TXNRD2: variants seen among roughly 807,000 people sequenced by gnomAD.
TXNRD2 encodes thioredoxin reductase 2, mitochondrial.
Under a neutral mutation model 70.8 loss-of-function variants are expected in TXNRD2, and 67 were observed. That is an observed-to-expected ratio of 0.95 (90% CI 0.78 to 1.16). The LOEUF (loss-of-function observed/expected upper bound fraction) is 1.16. Among genes scored for constraint, TXNRD2 ranks in the 50% most tolerant of loss-of-function variants. The pLI is 0.00. For missense variants in TXNRD2, 644 were observed against 719.9 expected (o/e 0.89, Z 1.21); for synonymous variants, 301 against 295.8 (o/e 1.02, Z -0.18).
At chr22:19,912,228 A>T (rs950507558) in intron 7 of TXNRD2, among the ~76,000 whole-genome samples, 1 of 152,188 alleles carries the variant, frequency 6.6e-6, no homozygotes, top group African/African-American at 2.4e-5. Flanking sequence ...GATCTCAAAC[A>T]GTTTATGCTT....
chr22:19,918,079 C>T, intron 5 of TXNRD2, 64 bp downstream of exon 5: 1 of 1,378,344 alleles, frequency 7.3e-7, no homozygotes, highest in Non-Finnish European at 1.0e-6. Context: ...AAGTGTGTGT[C>T]CAGGCACAGA....
At chr22:19,915,578 C>T (rs1048688040) in intron 6 of TXNRD2, among the ~76,000 whole-genome samples, 187 bp downstream of exon 6, 3 of 152,168 alleles carry the variant, frequency 2.0e-5, no homozygotes, top group Non-Finnish European at 2.9e-5. Flanking sequence ...CATGCCACTC[C>T]GAGCAGCAGG....
At chr22:19,882,486 A>G (rs1938824778) in intron 12 of TXNRD2, among the ~76,000 whole-genome samples, 1 of 152,106 alleles carries the variant, frequency 6.6e-6, no homozygotes, top group South Asian at 2.1e-4. Context: ...AGCATGAGAC[A>G]CTGCACCCAG....
At position 19,915,254 on chromosome 22, in the gene TXNRD2, A is replaced by C; in HGVS notation, c.551T>G (p.Ile184Ser). ...CGGCCGCCCTCCAGTAGCAATGATG[A>C]TGTGATCGGCTGACAGCAGAATCTG... ...GKEILLSADH[I>S]IIATGGRPRY... Residue 184 changes from isoleucine (I) to serine (S), a missense_variant, in exon 7 of 18, where the codon ATC becomes AGC. Ile to Ser is a moderately radical substitution (Grantham distance 142). Coordinates refer to ENST00000400521, the MANE Select transcript of TXNRD2 (RefSeq NM_006440.5). The C allele has an allele frequency of 6.2e-7, 1 of 1,613,872 alleles. No individual in the cohort carries two copies. Among genetic ancestry groups the C allele is most frequent in the Non-Finnish European group, 8.5e-7 (1 of 1,179,952 alleles).
Position 19,877,136 on chromosome 22 carries a change from AGG to A in TXNRD2, c.1542_1543del (p.Leu515GlyfsTer50), listed in dbSNP as rs1294790527. ...TCAGCAGCCTGTCACCGTGGGGTCC[AGG>A]CCTGAGCGCTTGGAGATGCGCAGCT... On this transcript the variant is annotated frameshift_variant, in exon 17 of 18. Coordinates refer to ENST00000400521, the MANE Select transcript of TXNRD2 (RefSeq NM_006440.5). LOFTEE classifies it high-confidence loss of function. The A allele has an allele frequency of 6.2e-7, 1 of 1,607,746 alleles. No individual in the cohort carries two copies. The highest frequency in any genetic ancestry group is 8.5e-7 in the Non-Finnish European group (1 of 1,175,670).
At chr22:19,926,421 C>T (rs1941146972) in intron 2 of TXNRD2, among the ~76,000 whole-genome samples, 1 of 151,930 alleles carries the variant, frequency 6.6e-6, no homozygotes, top group Admixed American at 6.6e-5. Context: ...GCCCAGGAGG[C>T]ACAGGTTGCA....
intron 3 of TXNRD2, 71 bp from the exon 4 acceptor site, chr22:19,919,075 G>A: frequency 6.6e-7 from 1 of 1,520,690 alleles, no homozygotes. Context: ...TTCTTCTAGA[G>A]TGTTTGGAAT....
chr22:19,880,267 G>A lies in TXNRD2; in HGVS notation c.1187C>T (p.Pro396Leu), dbSNP rs1264612943. The A allele has an allele frequency of 6.2e-7, 1 of 1,613,520 alleles. No individual in the cohort carries two copies. ...SSDLMDYDNV[P>L]TTVFTPLEYG... ...CTCCAGCGGGGTGAAGACGGTCGTG[G>A]GAACCTGAAAGCAGGTCTGGAGTCA... The change falls in exon 14 of 18, where the codon CCC becomes CTC. Residue 396 changes from proline to leucine, a missense_variant. Around this residue, in one of 3 missense-constraint regions of TXNRD2, gnomAD observed 566 missense variants for 645.0 expected, o/e 0.88. Transcript: ENST00000400521.
chr22:19,941,559 A>G, intron 1 of TXNRD2, 142 bp downstream of exon 1: 1 of 1,291,982 alleles, frequency 7.7e-7, no homozygotes, highest in Non-Finnish European at 9.9e-7. Flanking sequence ...CCTGAGCAAG[A>G]CTAGACCAAG....
chr22:19,918,291 G>A, intron 4 of TXNRD2, 74 bp from the exon 5 acceptor site: 5 of 1,252,638 alleles, frequency 4.0e-6, no homozygotes, highest in Non-Finnish European at 5.8e-6. Context: ...TGGACTATTA[G>A]ATTCAAATGG....
chr22:19,877,816 T>C (rs994476100), intron 16 of TXNRD2, among the ~76,000 whole-genome samples: 29 of 152,168 alleles, frequency 1.9e-4, no homozygotes, highest in African/African-American at 6.8e-4. Flanking sequence ...GCGTGGTGCT[T>C]GGCCAGGTGG....
chr22:19,932,387 AGTGCCACTCTCAGCC>A, intron 1 of TXNRD2: 1 of 1,612,648 alleles, frequency 6.2e-7, no homozygotes, highest in Non-Finnish European at 8.5e-7. Context: ...CACTGCACAT[AGTGCCACTCTCAGCC>A]TTTTTAGCCT....
At chr22:19,924,954 T>C (rs1941063125) in intron 2 of TXNRD2, among the ~76,000 whole-genome samples, 1 of 143,942 alleles carries the variant, frequency 6.9e-6, no homozygotes, top group Admixed American at 7.1e-5. Context: ...AAGCCAGAAG[T>C]CAGAGGGGCA....
intron 1 of TXNRD2, chr22:19,932,507 G>C (rs528729816): frequency 1.1e-3 from 1,699 of 1,575,976 alleles, no homozygotes; most frequent in Non-Finnish European, 1.4e-3. Flanking sequence ...GGGACTGGAG[G>C]GAGGAAGTAG....
chr22:19,883,838 A>T (rs1294147250), intron 11 of TXNRD2: 1 of 259,578 alleles, frequency 3.9e-6, no homozygotes, highest in Non-Finnish European at 7.6e-6. Context: ...CTATAGTCCC[A>T]GCTACTCGGG....
intron 11 of TXNRD2, among the ~76,000 whole-genome samples, chr22:19,888,675 T>C (rs543912696): frequency 6.6e-6 from 1 of 152,116 alleles, no homozygotes; most frequent in East Asian, 1.9e-4. Flanking sequence ...CGGTGGGCGA[T>C]GCGAGGCGGG....
At chr22:19,924,936 A>C (rs1454814099) in intron 2 of TXNRD2, among the ~76,000 whole-genome samples, 1 of 151,940 alleles carries the variant, frequency 6.6e-6, no homozygotes, top group Non-Finnish European at 1.5e-5. Context: ...TCTCACTGGA[A>C]ACAATGCAAG....
At chr22:19,919,127 A>G in intron 3 of TXNRD2, 123 bp from the exon 4 acceptor site, 2 of 889,738 alleles carry the variant, frequency 2.2e-6, no homozygotes, top group Admixed American at 2.1e-5. Context: ...ACCAGCTGAC[A>G]TGCCACACGA....
At chr22:19,928,351 GA>G (rs1355140169) in intron 2 of TXNRD2, among the ~76,000 whole-genome samples, 1 of 152,082 alleles carries the variant, frequency 6.6e-6, no homozygotes, top group Non-Finnish European at 1.5e-5. Flanking sequence ...ACACGTACAC[GA>G]AACGGCACAG....
Sources: allele counts gnomAD v4.1 joint callset (sites outside exome capture counted in the v4.1 genomes callset), GRCh38; gene constraint gnomAD v4.1.1; regional missense constraint gnomAD v4.1.1; transcripts MANE v1.5; gene names NCBI Gene and HGNC (gene_info 2026-07-23, HGNC 2026-07-21).